The following MYT1L variants were observed in gnomAD, a reference collection of about 807,000 sequenced individuals.
MYT1L encodes myelin transcription factor 1-like protein.
Under a neutral mutation model 126.7 loss-of-function variants are expected in MYT1L, and 12 were observed. The observed-to-expected ratio is 0.09, with a 90% CI of 0.06 to 0.15. The LOEUF is 0.15. Ranked by LOEUF, MYT1L falls within the 10% of genes least tolerant of loss-of-function variation. The probability of loss-of-function intolerance (pLI) is 1.00; values close to 1 mark genes in which losing one functional copy is unlikely to be tolerated. For missense variants in MYT1L, 979 were observed against 1,585.2 expected (o/e 0.62, Z 6.49); for synonymous variants, 541 against 604.2 (o/e 0.90, Z 1.53).
intron 5 of MYT1L, among the ~76,000 whole-genome samples, chr2:1,989,713 G>C (rs2061329213): frequency 6.6e-6 from 1 of 152,076 alleles, no homozygotes; most frequent in African/African-American, 2.4e-5. Flanking sequence ...ACTTAGACTA[G>C]GGGCCAGGTG....
intron 18 of MYT1L, among the ~76,000 whole-genome samples, chr2:1,853,163 A>G (rs6717718): frequency 0.46 from 70,217 of 152,046 alleles, 17,222 homozygotes; most frequent in Middle Eastern, 0.67. Context: ...ATTAGAGGAA[A>G]AGTCTAATTT....
chr2:2,159,176 G>A (rs7560395), intron 3 of MYT1L, among the ~76,000 whole-genome samples: 7,400 of 152,170 alleles, frequency 0.049, 596 homozygotes, highest in African/African-American at 0.17. Context: ...GGGGGCTGTC[G>A]GGGTGACGGT....
intron 4 of MYT1L, among the ~76,000 whole-genome samples, chr2:2,004,194 CGTTCTTTCCTGAATGT>C (rs1558696735): frequency 9.9e-5 from 14 of 142,122 alleles, no homozygotes; most frequent in South Asian, 2.3e-4. Context: ...TTCCTGCAGG[CGTTCTTTCCTGAATGT>C]GTTCTTTCCT....
intron 8 of MYT1L, among the ~76,000 whole-genome samples, chr2:1,978,091 C>T (rs1220090512): frequency 6.6e-6 from 1 of 152,128 alleles, no homozygotes; most frequent in Non-Finnish European, 1.5e-5. Flanking sequence ...TCCACAAATG[C>T]TAGAATGGGG....
intron 4 of MYT1L, among the ~76,000 whole-genome samples, chr2:2,001,827 C>T (rs1454601026): frequency 1.3e-5 from 2 of 152,202 alleles, no homozygotes; most frequent in Non-Finnish European, 2.9e-5. Context: ...CTCGTTCCAA[C>T]CTGGTACCCC....
intron 18 of MYT1L, among the ~76,000 whole-genome samples, chr2:1,874,079 A>G (rs4305303): frequency 0.4 from 60,697 of 151,900 alleles, 15,133 homozygotes; most frequent in African/African-American, 0.72. Flanking sequence ...GCCAGGACAC[A>G]GATCCAGGGG....
chr2:2,109,446 G>T (rs1277728659), intron 3 of MYT1L, among the ~76,000 whole-genome samples: 1 of 152,076 alleles, frequency 6.6e-6, no homozygotes, highest in African/African-American at 2.4e-5. Context: ...GATGAACCAG[G>T]AAAGGGATGG....
At chr2:1,903,961 G>A (rs1228210412) in intron 13 of MYT1L, among the ~76,000 whole-genome samples, 5 of 152,272 alleles carry the variant, frequency 3.3e-5, no homozygotes, top group Non-Finnish European at 5.9e-5. Flanking sequence ...GCGTGCGCGC[G>A]TGTGTGTGTC....
chr2:2,080,554 C>A (rs914611382), intron 3 of MYT1L, among the ~76,000 whole-genome samples: 1 of 151,894 alleles, frequency 6.6e-6, no homozygotes, highest in Non-Finnish European at 1.5e-5. Context: ...TACAAATGGA[C>A]AATAATCTCA....
At chr2:2,312,447 T>TA (rs577032969) in intron 1 of MYT1L, among the ~76,000 whole-genome samples, 8 of 151,648 alleles carry the variant, frequency 5.3e-5, no homozygotes, top group South Asian at 2.1e-4. Context: ...CCCATCTCTA[T>TA]AAAAAAAATT....
At chr2:2,297,079 C>T (rs1315068039) in intron 1 of MYT1L, among the ~76,000 whole-genome samples, 1 of 152,134 alleles carries the variant, frequency 6.6e-6, no homozygotes, top group African/African-American at 2.4e-5. Context: ...TCAGGGCAAA[C>T]TGGAACCACC....
At chr2:1,880,312 G>T (rs922855474) in intron 18 of MYT1L, among the ~76,000 whole-genome samples, 33 of 152,306 alleles carry the variant, frequency 2.2e-4, no homozygotes, top group African/African-American at 7.9e-4. Flanking sequence ...AGCAATGAAT[G>T]AGGTAAGGTA....
chr2:2,142,172 G>A (rs1020944851), intron 3 of MYT1L, among the ~76,000 whole-genome samples: 4 of 152,076 alleles, frequency 2.6e-5, no homozygotes, highest in Non-Finnish European at 4.4e-5. Context: ...CCTTGTTCAG[G>A]ATGCACGTGA....
At chr2:2,225,323 C>T (rs1259835671) in intron 2 of MYT1L, among the ~76,000 whole-genome samples, 1 of 152,112 alleles carries the variant, frequency 6.6e-6, no homozygotes, top group Non-Finnish European at 1.5e-5. Context: ...CTGTCCCCTT[C>T]AGTGCCCAGG....
At chr2:2,302,474 G>A (rs2095799859) in intron 1 of MYT1L, among the ~76,000 whole-genome samples, 1 of 152,134 alleles carries the variant, frequency 6.6e-6, no homozygotes, top group African/African-American at 2.4e-5. Flanking sequence ...AGGAGGAGGG[G>A]TTGCTATACT....
At chr2:1,997,025 T>C (rs1247647190) in intron 5 of MYT1L, among the ~76,000 whole-genome samples, 166 bp downstream of exon 5, 240 of 81,940 alleles carry the variant, frequency 2.9e-3, no homozygotes, top group African/African-American at 4.2e-3. Context: ...GTGTGGGCTG[T>C]ACAGAACCGA....
intron 21 of MYT1L, chr2:1,828,011 A>ACCCAGCAGCCCTGGAGCAGC (rs2039600275): frequency 1.3e-5 from 2 of 152,004 alleles, no homozygotes. Flanking sequence ...CACAAATGAG[A>ACCCAGCAGCCCTGGAGCAGC]CCCAGCAGCC....
chr2:1,841,128 A>G (rs2041633309), intron 19 of MYT1L: 2 of 219,830 alleles, frequency 9.1e-6, no homozygotes, highest in Non-Finnish European at 1.7e-5. Flanking sequence ...GATGGTCTCG[A>G]TCTCCTGACC....
intron 2 of MYT1L, among the ~76,000 whole-genome samples, chr2:2,206,689 A>G: frequency 6.6e-6 from 1 of 152,244 alleles, no homozygotes; most frequent in Non-Finnish European, 1.5e-5. Flanking sequence ...TAGATGCTAC[A>G]TTGCCACTGT....
Sources: allele counts gnomAD v4.1 joint callset (sites outside exome capture counted in the v4.1 genomes callset), GRCh38; gene constraint gnomAD v4.1.1; transcripts MANE v1.5; gene names NCBI Gene and HGNC (gene_info 2026-07-23, HGNC 2026-07-21).